GPM6A: variants seen among roughly 807,000 people sequenced by gnomAD.
GPM6A encodes neuronal membrane glycoprotein M6-a.
A neutral mutation model predicts 32.1 loss-of-function variants in GPM6A; 7 were observed. The observed-to-expected ratio is 0.22, with a 90% CI of 0.12 to 0.41. The LOEUF (loss-of-function observed/expected upper bound fraction) is 0.41. Ranked by LOEUF, GPM6A falls within the 10% of genes least tolerant of loss-of-function variation. The probability of loss-of-function intolerance (pLI) is 1.00; values close to 1 mark genes in which losing one functional copy is unlikely to be tolerated. For synonymous variants in GPM6A, 130 were observed against 123.4 expected (o/e 1.05, Z -0.35); for missense variants, 235 against 347.2 (o/e 0.68, Z 2.57).
At chr4:175,990,682 T>C (rs1741111880) in intron 1 of GPM6A, among the ~76,000 whole-genome samples, 1 of 151,448 alleles carries the variant, frequency 6.6e-6, no homozygotes, top group African/African-American at 2.4e-5. Context: ...TTGGTGGTCC[T>C]ACAAACAAAA....
chr4:175,729,506 A>T lies in GPM6A; in HGVS notation c.38-27739T>A, dbSNP rs1731321241. Among the ~76,000 whole-genome samples, 3 of 152,160 alleles carry T rather than the reference A, an allele frequency of 2.0e-5. No individual in the cohort carries two copies. In the South Asian group the frequency reaches 6.2e-4, roughly 32 times the overall value. ...TGGATACAAAAAAATAGTTGGAAAA[A>T]ATAAATAAGAACTAGTATTTGCTAG... On this transcript the variant is annotated intron_variant, in intron 1 of 6. Coordinates refer to ENST00000393658, the MANE Select transcript of GPM6A (RefSeq NM_201591.3).
At chr4:175,686,313 A>G (rs975904593) in intron 2 of GPM6A, among the ~76,000 whole-genome samples, 1 of 152,214 alleles carries the variant, frequency 6.6e-6, no homozygotes, top group Non-Finnish European at 1.5e-5. Flanking sequence ...ATAACTTTGC[A>G]CCAAGCAAAT....
intron 1 of GPM6A, among the ~76,000 whole-genome samples, chr4:175,875,610 TTGGACAGTCGAG>T (rs1737057689): frequency 6.6e-6 from 1 of 152,170 alleles, no homozygotes; most frequent in South Asian, 2.1e-4. Flanking sequence ...TTTCCAAAAG[TTGGACAGTCGAG>T]ATGCTGGTTA....
At chr4:175,937,158 T>C (rs1043134671) in intron 1 of GPM6A, among the ~76,000 whole-genome samples, 1 of 152,150 alleles carries the variant, frequency 6.6e-6, no homozygotes, top group Admixed American at 6.5e-5. Context: ...AAATTATTAA[T>C]GTGCTTCTTC....
chr4:175,984,434 A>G (rs1740912300), intron 1 of GPM6A, among the ~76,000 whole-genome samples: 1 of 152,196 alleles, frequency 6.6e-6, no homozygotes, highest in Admixed American at 6.5e-5. Flanking sequence ...AAGTGCTGGG[A>G]TAACAGGCAT....
At chr4:175,829,965 G>A (rs1317371601) in intron 1 of GPM6A, among the ~76,000 whole-genome samples, 3 of 152,036 alleles carry the variant, frequency 2.0e-5, no homozygotes, top group African/African-American at 7.2e-5. Context: ...GGCAAAAGAG[G>A]TCAAACTAAG....
intron 1 of GPM6A, among the ~76,000 whole-genome samples, chr4:175,935,996 TA>T (rs35207552): frequency 6.7e-6 from 1 of 149,368 alleles, no homozygotes. Flanking sequence ...AAATATTTAG[TA>T]AAAAAAAATA....
chr4:175,643,232 A>G (rs914649249), intron 4 of GPM6A, among the ~76,000 whole-genome samples: 11 of 152,184 alleles, frequency 7.2e-5, no homozygotes, highest in Non-Finnish European at 1.2e-4. Flanking sequence ...AGTAGCAGCT[A>G]GAGTAATCCT....
chr4:175,746,924 G>C (rs1386026538), intron 1 of GPM6A, among the ~76,000 whole-genome samples: 8 of 152,116 alleles, frequency 5.3e-5, no homozygotes, highest in Non-Finnish European at 8.8e-5. Context: ...CCATTAAGAA[G>C]ATAGTCTAAA....
At chr4:175,816,727 T>C (rs1457576473), upstream of GPM6A, among the ~76,000 whole-genome samples, 1 of 152,238 alleles carries the variant, frequency 6.6e-6, no homozygotes, top group African/African-American at 2.4e-5. Context: ...AGACACAGAA[T>C]TAACATTATC....
At chr4:175,893,355 C>T (rs1737703244) in intron 1 of GPM6A, among the ~76,000 whole-genome samples, 1 of 152,130 alleles carries the variant, frequency 6.6e-6, no homozygotes, top group Non-Finnish European at 1.5e-5. Context: ...CAATGATCAG[C>T]GTTTTTTATT....
intron 1 of GPM6A, chr4:175,907,024 A>C (rs10033003): frequency 0.96 from 146,672 of 152,188 alleles, 70,872 homozygotes; most frequent in East Asian, 1. Flanking sequence ...TCTCCTTAAA[A>C]CTCATAAGTA....
At chr4:175,902,056 G>A (rs534131900) in intron 1 of GPM6A, among the ~76,000 whole-genome samples, 2 of 152,238 alleles carry the variant, frequency 1.3e-5, no homozygotes, top group Admixed American at 1.3e-4. Flanking sequence ...AATGTGTGTA[G>A]CACCTTTTTT....
rs1429765903 is a variant in GPM6A at position 175,660,282 on chromosome 4, G to T, written c.388-8295C>A. Among the ~76,000 whole-genome samples the T allele has an allele frequency of 2.6e-5, 4 of 151,886 alleles. No individual in the cohort carries two copies. The East Asian group carries it at 7.7e-4, about 29-fold the overall frequency. ...GCATGTAATCCCAGCTACTCAGGAG[G>T]CTGAGGCAGGAGAATCACTTGAATC... is the stretch of plus-strand genomic sequence containing the variant. On this transcript the variant is annotated intron_variant, in intron 3 of 6. Coordinates refer to ENST00000393658, the MANE Select transcript of GPM6A (RefSeq NM_201591.3).
chr4:175,881,734 T>C (rs1468519787), intron 1 of GPM6A, among the ~76,000 whole-genome samples: 1 of 151,916 alleles, frequency 6.6e-6, no homozygotes, highest in Non-Finnish European at 1.5e-5. Context: ...CTCAGCAAGC[T>C]ATCACAAGGA....
rs558230350 is a variant in GPM6A at position 175,971,261 on chromosome 4, ATC to A, written c.-23+31046_-23+31047del. On this transcript the variant is annotated intron_variant, in intron 1 of 7. Transcript: ENST00000280187. Reference sequence around the variant, plus strand: ...GAAACCTGTCATTAGTGTTCTCTTTATCTTCCGTGAAAAAAAAAAAAAAAAAT... The same window carrying A: ...GAAACCTGTCATTAGTGTTCTCTTTATTCCGTGAAAAAAAAAAAAAAAAAT... Among the ~76,000 whole-genome samples the A allele has an allele frequency of 1.8e-4, 26 of 141,336 alleles. No homozygotes were observed. The East Asian group carries it at 5.4e-3, about 29-fold the overall frequency. 92.7% of individuals were successfully genotyped at this position (141,336 alleles called of 152,430 possible).
chr4:175,715,307 C>T (rs1389513117), intron 1 of GPM6A, among the ~76,000 whole-genome samples: 1 of 152,146 alleles, frequency 6.6e-6, no homozygotes, highest in Non-Finnish European at 1.5e-5. Context: ...TTTCCCACAT[C>T]TTCATGGGTT....
intron 1 of GPM6A, among the ~76,000 whole-genome samples, chr4:175,984,663 T>A (rs570032956): frequency 2.1e-4 from 32 of 152,336 alleles, no homozygotes; most frequent in African/African-American, 7.2e-4. Flanking sequence ...TCTATATTTT[T>A]AAAATCCTTC....
chr4:175,881,773 T>C (rs914641926), intron 1 of GPM6A, among the ~76,000 whole-genome samples: 3 of 151,488 alleles, frequency 2.0e-5, no homozygotes, highest in Admixed American at 2.0e-4. Context: ...TTCTCACTCA[T>C]AGGTGGGAAT....
Sources: allele counts gnomAD v4.1 joint callset (sites outside exome capture counted in the v4.1 genomes callset), GRCh38; gene constraint gnomAD v4.1.1; transcripts MANE v1.5; gene names NCBI Gene and HGNC (gene_info 2026-07-23, HGNC 2026-07-21).